Variants in CLPTM1 observed in about 807,000 individuals in gnomAD.
CLPTM1 encodes the protein putative lipid scramblase CLPTM1.
In CLPTM1, 21 loss-of-function variants were observed where a neutral mutation model predicts 77.3. That is an observed-to-expected ratio of 0.27 (90% CI 0.19 to 0.39). The LOEUF is 0.39. Ranked by LOEUF, CLPTM1 falls within the 10% of genes least tolerant of loss-of-function variation. CLPTM1 has a pLI of 1.00. For synonymous variants in CLPTM1, 373 were observed against 381.0 expected (o/e 0.98, Z 0.24); for missense variants, 642 against 921.2 (o/e 0.70, Z 3.92).
Position 44,991,149 on chromosome 19 carries a change from C to A in CLPTM1, c.1420-89C>A. 6.3e-7 allele frequency: 1 copy of A among 1,584,264 alleles called. No individual in the cohort carries two copies. The highest frequency in any genetic ancestry group is 8.6e-7 in the Non-Finnish European group (1 of 1,162,676). ...TGGAAATTCCCCCTGCCCGGCCTGC[C>A]AGACCAGGTGTGGTGGGTGAGGGCG... On this transcript the variant is annotated intron_variant, in intron 11 of 13. Coordinates refer to ENST00000337392, the MANE Select transcript of CLPTM1 (RefSeq NM_001294.4). The surrounding 1 kb of genome is among the most constrained non-coding windows in gnomAD (Gnocchi z 5.4).
chr19:44,987,298 G>T lies in CLPTM1; in HGVS notation c.913G>T (p.Val305Phe), dbSNP rs376613031. ...NESLASLPLR[V>F]SFCPLSLWRW... ...GAGCCTGGCCAGCCTGCCGCTCCGC[G>T]TCTCCTTCTGCCCACTCTCGCTTTG... The change falls in exon 8 of 14, where the codon GTC becomes TTC. Residue 305 changes from valine to phenylalanine, a missense_variant. Val to Phe is a conservative substitution (Grantham distance 50). Transcript: ENST00000337392. 1 of 1,614,262 alleles carries T rather than the reference G, an allele frequency of 6.2e-7. No homozygotes were observed. Among genetic ancestry groups the T allele is most frequent in the South Asian group, 1.1e-5 (1 of 91,088 alleles).
rs1376626849 is a variant in CLPTM1, at chr19:44,987,502, G to A, written c.1038+79G>A. 26 of 1,567,822 alleles carry A rather than the reference G, an allele frequency of 1.7e-5. No homozygotes were observed. The East Asian group carries it at 5.9e-4, about 36-fold the overall frequency. ...GCCAAGAGGAAGTGTGCCAGGCCTG[G>A]GCTGTGGGACCTCCCGCCTGGTGCT... On this transcript the variant is annotated intron_variant, in intron 8 of 13. Coordinates refer to ENST00000337392, the MANE Select transcript of CLPTM1 (RefSeq NM_001294.4).
At position 44,987,591 on chromosome 19, in the gene CLPTM1, A is replaced by C. The variant is rs1387785658; in HGVS notation, c.1038+168A>C. On this transcript the variant is annotated intron_variant, in intron 8 of 13. Transcript: ENST00000337392. ...CCACAGTGAAAGGAAGTGGGCACCCAGCCCTCCAGCCCTAGATGACTGGGG... is the reference window on the plus strand; with the variant it reads ...CCACAGTGAAAGGAAGTGGGCACCCCGCCCTCCAGCCCTAGATGACTGGGG... 3.5e-6 allele frequency: 3 copies of C among 866,906 alleles called. No individual in the cohort carries two copies. The African/African-American group carries it at 5.0e-5, about 15-fold the overall frequency. The allele number at this position is 866,906 out of a possible 1,614,324, so 53.7% of individuals were successfully genotyped here.
rs183997006 is a variant in CLPTM1, at chr19:44,974,540, T to C, written c.411T>C (p.Thr137=). Residue 137 remains threonine (T), a synonymous_variant, in exon 4 of 14, where the codon ACT becomes ACC. Coordinates refer to ENST00000337392, the MANE Select transcript of CLPTM1 (RefSeq NM_001294.4). ...ACGATCTTGTGTATGGCGACTGGACTAGCGGCGAGAACTCAGACGGCTGCT... is the reference window on the plus strand; with the variant it reads ...ACGATCTTGTGTATGGCGACTGGACCAGCGGCGAGAACTCAGACGGCTGCT... ...EQHDLVYGDW[T]SGENSDGCYE... 1.4e-5 allele frequency: 22 copies of C among 1,614,234 alleles called. No homozygotes were observed. The East Asian group carries it at 4.2e-4, about 31-fold the overall frequency.
At position 44,990,339 on chromosome 19, in the gene CLPTM1, A is replaced by C. The variant is rs769539352; in HGVS notation, c.1133-56A>C. 3 of 1,563,756 alleles carry C rather than the reference A, an allele frequency of 1.9e-6. No homozygotes were observed. Among genetic ancestry groups the C allele is most frequent in the East Asian group, 2.3e-5 (1 of 44,428 alleles). ...GGCCAAGGGGGCCTGAGGGAGCTGC[A>C]GTAGGGTCTCAGCACCTCCTCAGCC... On this transcript the variant is annotated intron_variant, in intron 9 of 13. Coordinates refer to ENST00000337392, the MANE Select transcript of CLPTM1 (RefSeq NM_001294.4). The surrounding 1 kb of genome is among the most constrained non-coding windows in gnomAD (Gnocchi z 4.8).
Position 44,990,213 on chromosome 19 carries a change from C to A in CLPTM1, c.1133-182C>A. On this transcript the variant is annotated intron_variant, in intron 9 of 13. Transcript: ENST00000337392. The surrounding 1 kb of genome is among the most constrained non-coding windows in gnomAD (Gnocchi z 4.8). ...CCAGGGGTGCCGCCTGTCTGGTGCTCTGGGGGTCACCCAATGAATATGAGA... is the reference window on the plus strand; with the variant it reads ...CCAGGGGTGCCGCCTGTCTGGTGCTATGGGGGTCACCCAATGAATATGAGA... 1 of 625,718 alleles carries A rather than the reference C, an allele frequency of 1.6e-6. No homozygotes were observed. Among genetic ancestry groups the A allele is most frequent in the Non-Finnish European group, 2.8e-6 (1 of 359,958 alleles). The allele number at this position is 625,718 out of a possible 1,614,324, so 38.8% of individuals were successfully genotyped here.
chr19:44,981,732 G>A lies in CLPTM1; in HGVS notation c.587-3486G>A, dbSNP rs553178243. On this transcript the variant is annotated intron_variant, in intron 5 of 13. Coordinates refer to ENST00000337392, the MANE Select transcript of CLPTM1 (RefSeq NM_001294.4). ...GTTCGAGACCAGCCTGGGCAACATG[G>A]CAAAACCCCCCCTAATAAAAATACA... Among the ~76,000 whole-genome samples, 4 of 149,534 alleles carry A rather than the reference G, an allele frequency of 2.7e-5. No individual in the cohort carries two copies. The East Asian group carries it at 8.3e-4, about 31-fold the overall frequency.
chr19:44,977,485 A>G, intron 5 of CLPTM1, 25 bp downstream of exon 5: 1 of 1,549,760 alleles, frequency 6.5e-7, no homozygotes, highest in Non-Finnish European at 8.8e-7. Flanking sequence ...TGCAGCCAGG[A>G]CCCACTGTCC....
chr19:44,971,423 C>T (rs11668758), intron 2 of CLPTM1, among the ~76,000 whole-genome samples: 42,362 of 151,982 alleles, frequency 0.28, 6,206 homozygotes, highest in East Asian at 0.47. Flanking sequence ...TAATTAAGCC[C>T]ACTGTTACTA....
At chr19:44,963,051 T>C (rs1456315591) in intron 2 of CLPTM1, among the ~76,000 whole-genome samples, 2 of 139,830 alleles carry the variant, frequency 1.4e-5, no homozygotes, top group Non-Finnish European at 1.6e-5. Context: ...ACAAAAAAAA[T>C]ACAAAAATTA....
intron 2 of CLPTM1, among the ~76,000 whole-genome samples, chr19:44,972,586 G>A (rs940480842): frequency 2.6e-5 from 4 of 151,858 alleles, no homozygotes; most frequent in African/African-American, 7.3e-5. Context: ...AACCATCCCC[G>A]GTTCTGTGCT....
In CLPTM1 at chr19:44,992,052, T is replaced by A. The variant is rs1296243666; in HGVS notation, c.1556-181T>A. Among the ~76,000 whole-genome samples, 4 of 152,108 alleles carry A rather than the reference T, an allele frequency of 2.6e-5. No individual in the cohort carries two copies. The highest frequency in any genetic ancestry group is 9.6e-5 in the African/African-American group (4 of 41,482). On this transcript the variant is annotated intron_variant, in intron 12 of 13. Transcript: ENST00000337392. The surrounding 1 kb of genome is among the most constrained non-coding windows in gnomAD (Gnocchi z 7.7). Reference sequence around the variant, plus strand: ...CCTCAGATATCCAGGGAGAGAGCTGTGCGGATGTGACAGAAGGCCCCACCA... The same window carrying A: ...CCTCAGATATCCAGGGAGAGAGCTGAGCGGATGTGACAGAAGGCCCCACCA...
upstream of CLPTM1, chr19:44,954,906 A>G (rs1970432596): frequency 7.1e-7 from 1 of 1,411,900 alleles, no homozygotes; most frequent in African/African-American, 1.4e-5. Context: ...GGTGCTGGGC[A>G]AAAGGCTAGT....
At chr19:44,970,579 A>AT (rs1970702113) in intron 2 of CLPTM1, among the ~76,000 whole-genome samples, 1 of 144,384 alleles carries the variant, frequency 6.9e-6, no homozygotes, top group South Asian at 2.2e-4. Context: ...TAATTTTTGT[A>AT]TTTTTTGTAG....
chr19:44,983,022 C>T (rs1797904975), intron 5 of CLPTM1, among the ~76,000 whole-genome samples: 1 of 150,622 alleles, frequency 6.6e-6, no homozygotes, highest in African/African-American at 2.5e-5. Flanking sequence ...AGTCATGCCA[C>T]TGCTCTCTAG....
At position 44,992,761 on chromosome 19, in the gene CLPTM1, C is replaced by T. The variant is rs146714101; in HGVS notation, c.1874C>T (p.Pro625Leu). 1.0e-4 allele frequency: 164 copies of T among 1,612,448 alleles called. No individual in the cohort carries two copies. The highest frequency in any genetic ancestry group is 3.3e-4 in the Middle Eastern group (2 of 6,084). ...PTAAGALTPT[P>L]APTTTTATRE... ...GCAGCAGGGGCCCTCACGCCCACAC[C>T]TGCACCCACCACGACCACCGCCACC... Residue 625 changes from proline (P) to leucine (L), a missense_variant, in exon 14 of 14, where the codon CCT becomes CTT. Around this residue, in one of 2 missense-constraint regions of CLPTM1, gnomAD observed 521 missense variants for 800.4 expected, o/e 0.65. Transcript: ENST00000337392. This position sits in a 1 kb window ranked among gnomAD's most constrained non-coding sequence, Gnocchi z 7.7.
intron 4 of CLPTM1, among the ~76,000 whole-genome samples, chr19:44,975,707 C>T (rs1289030693): frequency 6.6e-6 from 1 of 152,010 alleles, no homozygotes; most frequent in East Asian, 1.9e-4. Context: ...GGGACTAAGG[C>T]ACACATGATC....
chr19:44,955,643 A>G lies in CLPTM1; in HGVS notation c.72+176A>G, dbSNP rs1217578801. 5 of 557,424 alleles carry G rather than the reference A, an allele frequency of 9.0e-6. No homozygotes were observed. In the East Asian group the frequency reaches 1.8e-4, roughly 20 times the overall value. The allele number at this position is 557,424 out of a possible 1,614,324, so 34.5% of individuals were successfully genotyped here. A position where few individuals can be genotyped will look rare whatever the true frequency, so the allele number is the denominator to read the frequency against. ...CCCGGGAGGCCGGACGGTGCCGGGA[A>G]CAGGGCCCTGTTGCGGGTCGGTTCC... On this transcript the variant is annotated intron_variant, in intron 1 of 13. Coordinates refer to ENST00000337392, the MANE Select transcript of CLPTM1 (RefSeq NM_001294.4).
chr19:44,990,630 GA>G lies in CLPTM1; in HGVS notation c.1323+46del, dbSNP rs1484810385. The G allele has an allele frequency of 6.3e-7, 1 of 1,599,618 alleles. No individual in the cohort carries two copies. Among genetic ancestry groups the G allele is most frequent in the African/African-American group, 1.3e-5 (1 of 74,578 alleles). ...CTGTCTCGGGAGCTGCAGGGGTTGG[GA>G]GGGGGTAGTGTGGCCCAGCTGGACC... On this transcript the variant is annotated intron_variant, in intron 10 of 13. Transcript: ENST00000337392. This position sits in a 1 kb window ranked among gnomAD's most constrained non-coding sequence, Gnocchi z 4.8.
Sources: allele counts gnomAD v4.1 joint callset (sites outside exome capture counted in the v4.1 genomes callset), GRCh38; gene constraint gnomAD v4.1.1; regional missense constraint gnomAD v4.1.1; non-coding constraint Gnocchi (gnomAD v3.1); transcripts MANE v1.5; gene names NCBI Gene and HGNC (gene_info 2026-07-23, HGNC 2026-07-21).